Variants in DCC observed in about 807,000 individuals in gnomAD.
DCC encodes DCC netrin 1 receptor.
In DCC, 58 loss-of-function variants were observed where a neutral mutation model predicts 172.5. That is an observed-to-expected ratio of 0.34 (90% CI 0.27 to 0.42). The LOEUF is 0.42. Ranked by LOEUF, DCC falls within the 10% of genes least tolerant of loss-of-function variation. The pLI, the probability that DCC is intolerant of heterozygous loss-of-function variation, is 1.00. For missense variants in DCC, 1,740 were observed against 1,791.0 expected, an observed-to-expected ratio of 0.97 and a Z score of 0.51; for synonymous variants, 709 against 644.5, an observed-to-expected ratio of 1.10 and a Z score of -1.52.
Position 53,519,923 on chromosome 18 carries a change from A to C in DCC, c.4112-6694A>C, listed in dbSNP as rs570927695. Among the ~76,000 whole-genome samples the C allele has an allele frequency of 3.9e-5, 6 of 152,208 alleles. No homozygotes were observed. The East Asian group carries it at 7.7e-4, about 20-fold the overall frequency. ...TTTTGTGTTTTTTCCTAATTGCCAT[A>C]ATTTCTATTAGTTCTTGGGTAGGAT... On this transcript the variant is annotated intron_variant, in intron 27 of 28. Coordinates refer to ENST00000442544, the MANE Select transcript of DCC (RefSeq NM_005215.4).
chr18:52,594,143 G>A (rs2033860070), intron 1 of DCC, among the ~76,000 whole-genome samples: 1 of 152,152 alleles, frequency 6.6e-6, no homozygotes. Flanking sequence ...ATAGCTCTAG[G>A]AAAAAATCTA....
intron 2 of DCC, among the ~76,000 whole-genome samples, chr18:52,784,320 G>T (rs1004515058): frequency 6.6e-6 from 1 of 151,918 alleles, no homozygotes; most frequent in Non-Finnish European, 1.5e-5. Context: ...CCATTTACTC[G>T]ATGGGTACTT....
At chr18:53,260,743 CATTTA>C (rs2056586505) in intron 12 of DCC, among the ~76,000 whole-genome samples, 1 of 152,118 alleles carries the variant, frequency 6.6e-6, no homozygotes. Flanking sequence ...CAGACAGGGA[CATTTA>C]AGTCTGCAGA....
intron 1 of DCC, among the ~76,000 whole-genome samples, chr18:52,740,439 A>C (rs191532202): frequency 6.6e-6 from 1 of 152,334 alleles, no homozygotes; most frequent in East Asian, 1.9e-4. Flanking sequence ...CAGCATTTTA[A>C]TGAAAATCGC....
At chr18:53,366,562 A>G (rs2058006989) in intron 15 of DCC, among the ~76,000 whole-genome samples, 1 of 152,184 alleles carries the variant, frequency 6.6e-6, no homozygotes, top group Non-Finnish European at 1.5e-5. Context: ...TAAAGGAGAT[A>G]GCATGTCTAA....
chr18:52,970,854 A>G (rs570569235), intron 5 of DCC, among the ~76,000 whole-genome samples: 83 of 152,334 alleles, frequency 5.4e-4, no homozygotes, highest in African/African-American at 1.9e-3. Flanking sequence ...AGGCAAAATT[A>G]CAACAGCAGC....
chr18:53,076,560 A>G (rs1265964925), intron 7 of DCC, among the ~76,000 whole-genome samples: 1 of 152,138 alleles, frequency 6.6e-6, no homozygotes, highest in Non-Finnish European at 1.5e-5. Flanking sequence ...ATTTATGCCT[A>G]TACCTCTTTT....
At chr18:53,217,079 A>G (rs1353696493) in intron 12 of DCC, among the ~76,000 whole-genome samples, 1 of 152,124 alleles carries the variant, frequency 6.6e-6, no homozygotes, top group Non-Finnish European at 1.5e-5. Flanking sequence ...AAATTGATAT[A>G]CAAGCTATTT....
At chr18:53,310,852 G>A (rs1355067594) in intron 13 of DCC, among the ~76,000 whole-genome samples, 2 of 152,056 alleles carry the variant, frequency 1.3e-5, no homozygotes, top group African/African-American at 2.4e-5. Flanking sequence ...GAATTACAAA[G>A]CTTGAGGACA....
chr18:53,300,068 G>A (rs557520844), intron 12 of DCC, among the ~76,000 whole-genome samples: 22 of 152,266 alleles, frequency 1.4e-4, no homozygotes, highest in African/African-American at 4.8e-4. Flanking sequence ...ATCTCAGTGC[G>A]ATAGTATTTT....
At chr18:52,847,465 T>G (rs1204068975) in intron 2 of DCC, among the ~76,000 whole-genome samples, 1 of 152,190 alleles carries the variant, frequency 6.6e-6, no homozygotes, top group Non-Finnish European at 1.5e-5. Context: ...AGAACAAATA[T>G]ATTTCATTAT....
intron 18 of DCC, among the ~76,000 whole-genome samples, chr18:53,400,729 C>T (rs1252106597): frequency 1.3e-5 from 2 of 152,052 alleles, no homozygotes; most frequent in Admixed American, 6.6e-5. Flanking sequence ...TGCACAGCAC[C>T]TGAATTAGAT....
chr18:52,554,278 C>A (rs1336611616), intron 1 of DCC, among the ~76,000 whole-genome samples: 3 of 152,086 alleles, frequency 2.0e-5, no homozygotes, highest in Non-Finnish European at 2.9e-5. Context: ...TATCCATTTT[C>A]ATGACATGCC....
chr18:52,941,298 A>C (rs896631646), intron 5 of DCC: 4 of 152,164 alleles, frequency 2.6e-5, no homozygotes, highest in Admixed American at 6.5e-5. Context: ...ATATTTATGG[A>C]AGATGAGATT....
chr18:52,910,015 C>G (rs533793666), intron 3 of DCC, among the ~76,000 whole-genome samples: 7 of 152,174 alleles, frequency 4.6e-5, no homozygotes, highest in African/African-American at 1.7e-4. Context: ...TTCTGTTTGA[C>G]TGGCTCATAG....
At chr18:52,485,404 C>T (rs907902213) in intron 1 of DCC, among the ~76,000 whole-genome samples, 1 of 152,058 alleles carries the variant, frequency 6.6e-6, no homozygotes, top group Non-Finnish European at 1.5e-5. Flanking sequence ...TGGACTATAT[C>T]GCCGGAGAGA....
chr18:52,601,373 G>A (rs1223890656), intron 1 of DCC, among the ~76,000 whole-genome samples: 1 of 151,818 alleles, frequency 6.6e-6, no homozygotes, highest in Non-Finnish European at 1.5e-5. Flanking sequence ...CTGTTTTGAA[G>A]TGGTTATAGA....
intron 5 of DCC, among the ~76,000 whole-genome samples, chr18:52,979,590 G>A (rs1158178413): frequency 1.3e-5 from 2 of 152,180 alleles, no homozygotes; most frequent in Admixed American, 6.5e-5. Context: ...TAAGGAGAAA[G>A]TAGGTTCCAA....
At chr18:53,272,695 A>G (rs1412553365) in intron 12 of DCC, among the ~76,000 whole-genome samples, 5 of 152,078 alleles carry the variant, frequency 3.3e-5, no homozygotes, top group African/African-American at 7.2e-5. Flanking sequence ...ATTGCAATGT[A>G]ATTTCGTATA....
Sources: allele counts gnomAD v4.1 joint callset (sites outside exome capture counted in the v4.1 genomes callset), GRCh38; gene constraint gnomAD v4.1.1; transcripts MANE v1.5; gene names NCBI Gene and HGNC (gene_info 2026-07-23, HGNC 2026-07-21).